The following AK5 variants were observed in gnomAD, a reference collection of about 807,000 sequenced individuals.
AK5 encodes the protein adenylate kinase isoenzyme 5.
Under a neutral mutation model 69.5 loss-of-function variants are expected in AK5, and 27 were observed. That is an observed-to-expected ratio of 0.39 (90% CI 0.29 to 0.54). The LOEUF is 0.54. Among genes scored for constraint, AK5 ranks in the 20% least tolerant of loss-of-function variants. AK5 has a pLI of 0.71. For synonymous variants in AK5, 260 were observed against 244.4 expected (o/e 1.06, Z -0.60); for missense variants, 531 against 700.4 (o/e 0.76, Z 2.73).
intron 6 of AK5, among the ~76,000 whole-genome samples, chr1:77,376,795 A>G (rs1365585972): frequency 1.3e-5 from 2 of 152,106 alleles, no homozygotes; most frequent in Admixed American, 6.6e-5. Context: ...AAAAAAAATT[A>G]GCTGATCATC....
intron 1 of AK5, among the ~76,000 whole-genome samples, chr1:77,285,865 T>C (rs536775660): frequency 2.0e-5 from 3 of 152,192 alleles, no homozygotes; most frequent in East Asian, 1.9e-4. Flanking sequence ...TTTTTTCCAA[T>C]TGGAAAACAG....
intron 12 of AK5, among the ~76,000 whole-genome samples, chr1:77,534,120 C>G (rs868267353): frequency 3.9e-5 from 6 of 152,102 alleles, no homozygotes; most frequent in African/African-American, 7.2e-5. Flanking sequence ...CACGATATTA[C>G]GAGTTCTCCG....
intron 7 of AK5, among the ~76,000 whole-genome samples, chr1:77,412,838 G>T (rs189024553): frequency 1.3e-5 from 2 of 152,184 alleles, no homozygotes; most frequent in Admixed American, 1.3e-4. Flanking sequence ...TCTCCGGGGA[G>T]CCAGGCAGAA....
At chr1:77,492,645 A>C (rs1438827012) in intron 10 of AK5, among the ~76,000 whole-genome samples, 1 of 152,228 alleles carries the variant, frequency 6.6e-6, no homozygotes, top group Non-Finnish European at 1.5e-5. Flanking sequence ...TCAGGGGGAA[A>C]ATAGCGCATC....
chr1:77,411,708 C>T (rs1238697869), intron 7 of AK5, among the ~76,000 whole-genome samples: 1 of 152,200 alleles, frequency 6.6e-6, no homozygotes. Flanking sequence ...ATCTTAGTCT[C>T]AGTCCTGACC....
chr1:77,491,218 A>G (rs778992630), intron 10 of AK5, among the ~76,000 whole-genome samples: 1 of 151,360 alleles, frequency 6.6e-6, no homozygotes, highest in Non-Finnish European at 1.5e-5. Context: ...TTTGCTTAAA[A>G]CTCAATATTG....
chr1:77,387,384 T>G (rs916295141), intron 6 of AK5, among the ~76,000 whole-genome samples: 6 of 152,174 alleles, frequency 3.9e-5, no homozygotes, highest in African/African-American at 9.7e-5. Context: ...CTGAGGAACA[T>G]TAAATATTAT....
chr1:77,391,185 G>A (rs1443563204), intron 6 of AK5, among the ~76,000 whole-genome samples: 1 of 151,760 alleles, frequency 6.6e-6, no homozygotes, highest in Non-Finnish European at 1.5e-5. Context: ...CTGGTTGCAT[G>A]GGCAGGTAGG....
intron 6 of AK5, among the ~76,000 whole-genome samples, chr1:77,398,101 G>C (rs1648952076): frequency 6.6e-6 from 1 of 151,918 alleles, no homozygotes; most frequent in Non-Finnish European, 1.5e-5. Context: ...ATTTGGCCAT[G>C]GTAGTTAACG....
intron 6 of AK5, among the ~76,000 whole-genome samples, chr1:77,362,403 T>C (rs1646880716): frequency 6.6e-6 from 1 of 152,218 alleles, no homozygotes; most frequent in Non-Finnish European, 1.5e-5. Context: ...TGTCCAAGCA[T>C]ATATTAATTA....
intron 8 of AK5, among the ~76,000 whole-genome samples, chr1:77,464,430 G>C (rs1489289059): frequency 6.6e-6 from 1 of 152,352 alleles, no homozygotes; most frequent in Middle Eastern, 3.4e-3. Context: ...CAGTTACAGA[G>C]ATGTAACATG....
At chr1:77,479,326 T>C (rs1489518806) in intron 8 of AK5, among the ~76,000 whole-genome samples, 1 of 149,718 alleles carries the variant, frequency 6.7e-6, no homozygotes, top group Non-Finnish European at 1.5e-5. Context: ...CTGCCTAAAC[T>C]TCCTGAGTAC....
At chr1:77,556,650 G>T (rs1461773305) in intron 13 of AK5, among the ~76,000 whole-genome samples, 3 of 152,072 alleles carry the variant, frequency 2.0e-5, no homozygotes, top group Non-Finnish European at 4.4e-5. Flanking sequence ...TGTTGATATT[G>T]TTGAGAATTC....
chr1:77,332,130 TC>T (rs1386050635), intron 5 of AK5, among the ~76,000 whole-genome samples: 3 of 152,192 alleles, frequency 2.0e-5, no homozygotes, highest in Non-Finnish European at 4.4e-5. Context: ...ATATAACATT[TC>T]CAAATTGTTT....
intron 5 of AK5, among the ~76,000 whole-genome samples, chr1:77,324,636 A>C (rs1022108509): frequency 5.3e-5 from 8 of 151,870 alleles, no homozygotes; most frequent in African/African-American, 1.9e-4. Context: ...AACCATTTGA[A>C]TTCTCATCTC....
intron 8 of AK5, among the ~76,000 whole-genome samples, chr1:77,446,634 G>A (rs535341441): frequency 2.4e-4 from 37 of 151,794 alleles, no homozygotes; most frequent in Middle Eastern, 3.4e-3. Flanking sequence ...CACTTCCTTC[G>A]TTAAATTTAT....
At chr1:77,525,741 A>T (rs1312284349) in intron 12 of AK5, among the ~76,000 whole-genome samples, 1 of 152,214 alleles carries the variant, frequency 6.6e-6, no homozygotes, top group East Asian at 1.9e-4. Flanking sequence ...TAGCATCCTC[A>T]TGAAAAATCA....
intron 3 of AK5, 114 bp from the exon 4 acceptor site, chr1:77,297,445 T>G (rs1659076430): frequency 1.0e-6 from 1 of 956,830 alleles, no homozygotes; most frequent in East Asian, 2.5e-5. Flanking sequence ...ATGGAACTGT[T>G]AACCACCCTG....
At chr1:77,288,675 C>T (rs1167201) in intron 2 of AK5, among the ~76,000 whole-genome samples, 105,938 of 151,952 alleles carry the variant, frequency 0.7, 37,263 homozygotes, top group African/African-American at 0.77. Flanking sequence ...TCTGACCAAA[C>T]TTCCCACTGC....
Sources: allele counts gnomAD v4.1 joint callset (sites outside exome capture counted in the v4.1 genomes callset), GRCh38; gene constraint gnomAD v4.1.1; transcripts MANE v1.5; gene names NCBI Gene and HGNC (gene_info 2026-07-23, HGNC 2026-07-21).